The following TENM2 variants were observed in gnomAD, a reference collection of about 807,000 sequenced individuals.
TENM2 encodes the protein teneurin transmembrane protein 2, also known as teneurin-2.
In TENM2, 52 loss-of-function variants were observed where a neutral mutation model predicts 245.2. That is an observed-to-expected ratio of 0.21 (90% confidence interval 0.17 to 0.27). TENM2 has a LOEUF of 0.27. Among genes scored for constraint, TENM2 ranks in the 10% least tolerant of loss-of-function variants. The probability of loss-of-function intolerance (pLI) is 1.00; values close to 1 mark genes in which losing one functional copy is unlikely to be tolerated. For missense variants in TENM2, 3,046 were observed against 3,666.8 expected (o/e 0.83, Z 4.37); for synonymous variants, 1,363 against 1,438.9 (o/e 0.95, Z 1.19).
chr5:168,236,148 T>TA (rs1562317786), intron 25 of TENM2, among the ~76,000 whole-genome samples: 5 of 152,172 alleles, frequency 3.3e-5, no homozygotes, highest in Non-Finnish European at 7.4e-5. Context: ...TACAGAAGTC[T>TA]TCTGCAGATT....
At chr5:167,485,182 G>A (rs538023731) in intron 2 of TENM2, among the ~76,000 whole-genome samples, 6 of 152,294 alleles carry the variant, frequency 3.9e-5, no homozygotes, top group Non-Finnish European at 7.3e-5. Context: ...TAATTCACAA[G>A]TAGTAGATGC....
At chr5:167,418,171 A>T (rs1763272921) in intron 2 of TENM2, among the ~76,000 whole-genome samples, 1 of 152,106 alleles carries the variant, frequency 6.6e-6, no homozygotes, top group Non-Finnish European at 1.5e-5. Context: ...CTCTAATAAA[A>T]ATACAAAATT....
chr5:167,342,507 C>CTTTTTTTTT lies in TENM2; in HGVS notation c.227-32668_227-32660dup, dbSNP rs35451881. On this transcript the variant is annotated intron_variant, in intron 1 of 28. Transcript: ENST00000518659. ...CAGGTTTCTCAACTGTAAAGTTATT[C>CTTTTTTTTT]TTTTTTTTTTTTTTTTTTTTTTTTT... Among the ~76,000 whole-genome samples the CTTTTTTTTT allele has an allele frequency of 1.2e-3, 66 of 54,296 alleles. 13 individuals carry two copies. Among genetic ancestry groups the CTTTTTTTTT allele is most frequent in the African/African-American group, 1.8e-3 (23 of 12,438 alleles). 35.6% of individuals were successfully genotyped at this position (54,296 alleles called of 152,430 possible). A position where few individuals can be genotyped will look rare whatever the true frequency, so the allele number is the denominator to read the frequency against.
In TENM2 at chr5:168,215,086, G is replaced by A. The variant is rs569303729; in HGVS notation, c.3892G>A (p.Gly1298Ser). Residue 1298 changes from glycine (G) to serine (S), a missense_variant, in exon 21 of 29, where the codon GGC becomes AGC. This residue lies in a region of TENM2 where 2,704 missense variants were observed against 3,331.9 expected (regional missense o/e 0.81). Transcript: ENST00000518659. Reference sequence around the variant, plus strand: ...CTACTTGGCAGTGGACCCCGTGTCCGGCTCGCTCTACGTGTCCGACACCAA... The same window carrying A: ...CTACTTGGCAGTGGACCCCGTGTCCAGCTCGCTCTACGTGTCCGACACCAA... 4.5e-5 allele frequency: 72 copies of A among 1,613,820 alleles called. No individual in the cohort carries two copies. The highest frequency in any genetic ancestry group is 1.6e-4 in the Middle Eastern group (1 of 6,062).
intron 2 of TENM2, among the ~76,000 whole-genome samples, chr5:167,398,105 T>C (rs1447347597): frequency 2.0e-5 from 3 of 152,092 alleles, no homozygotes; most frequent in African/African-American, 7.2e-5. Context: ...ATATGGCCAT[T>C]ACTATTCCAA....
At chr5:167,069,418 T>A in the TENM2 span, among the ~76,000 whole-genome samples, 3 of 152,198 alleles carry the variant, frequency 2.0e-5, no homozygotes, top group Non-Finnish European at 2.9e-5. Context: ...CAATAATGCT[T>A]AATTATTTTA....
chr5:167,972,719 T>C (rs901624327), intron 4 of TENM2, among the ~76,000 whole-genome samples: 6 of 152,252 alleles, frequency 3.9e-5, no homozygotes, highest in South Asian at 2.1e-4. Flanking sequence ...TGAGTTTCTT[T>C]TGTGGCTTTA....
the TENM2 span, among the ~76,000 whole-genome samples, chr5:167,205,380 C>A: frequency 6.6e-6 from 1 of 151,962 alleles, no homozygotes; most frequent in African/African-American, 2.4e-5. Context: ...GACTCTGTCT[C>A]AAAAAATAAA....
rs144300762 is a variant in TENM2, at chr5:167,744,820, CAAACA to C, written c.503-131142_503-131138del. 2.8e-3 allele frequency among the ~76,000 whole-genome samples: 414 copies of C among 145,820 alleles called. 1 individual carries two copies. The highest frequency in any genetic ancestry group is 4.8e-3 in the Non-Finnish European group (317 of 65,872). ...CTCTCTCTAAAACAAAACAAACAAA[CAAACA>C]AAACAAAACAAAACAAAACAAAAAA... On this transcript the variant is annotated intron_variant, in intron 2 of 28. Coordinates refer to ENST00000518659, the Ensembl canonical transcript of TENM2.
Position 167,519,006 on chromosome 5 carries a change from TAGAGAGAGCATGA to T in TENM2, c.502+143539_502+143551del, listed in dbSNP as rs199777751. 1.6e-4 allele frequency among the ~76,000 whole-genome samples: 24 copies of T among 152,256 alleles called. No individual in the cohort carries two copies. The East Asian group carries it at 4.3e-3, about 27-fold the overall frequency. On this transcript the variant is annotated intron_variant, in intron 2 of 28. Transcript: ENST00000518659. ...TAAGTTTTATGCAGCGATGTTCCTG[TAGAGAGAGCATGA>T]AGAGAACAAAGCCTTACCTAGTCCA... is the stretch of plus-strand genomic sequence containing the variant.
intron 2 of TENM2, among the ~76,000 whole-genome samples, chr5:167,557,853 G>C (rs558155005): frequency 6.6e-6 from 1 of 152,126 alleles, no homozygotes; most frequent in East Asian, 1.9e-4. Context: ...ATAGTGCTGA[G>C]GTTGAAAAAA....
chr5:167,111,422 A>G, the TENM2 span, among the ~76,000 whole-genome samples: 2 of 152,194 alleles, frequency 1.3e-5, no homozygotes, highest in African/African-American at 4.8e-5. Flanking sequence ...AGAGTAAAAA[A>G]TAATAATAAA....
At chr5:167,672,814 G>A (rs920625559) in intron 2 of TENM2, among the ~76,000 whole-genome samples, 1 of 151,334 alleles carries the variant, frequency 6.6e-6, no homozygotes, top group Non-Finnish European at 1.5e-5. Context: ...CAAGAGTGGT[G>A]TGACAAATCA....
chr5:168,214,974 C>G, intron 20 of TENM2, 66 bp from the exon 23 acceptor site: 1 of 1,389,204 alleles, frequency 7.2e-7, no homozygotes, highest in South Asian at 1.2e-5. Context: ...TTTTGTCATT[C>G]CTTTGATCTA....
chr5:167,825,531 C>T (rs1767899294), intron 2 of TENM2, among the ~76,000 whole-genome samples: 1 of 152,160 alleles, frequency 6.6e-6, no homozygotes, highest in Non-Finnish European at 1.5e-5. Flanking sequence ...GACCTTAACT[C>T]ATCTGCTACC....
At chr5:167,654,464 G>C (rs1434274159) in intron 2 of TENM2, among the ~76,000 whole-genome samples, 1 of 152,084 alleles carries the variant, frequency 6.6e-6, no homozygotes, top group African/African-American at 2.4e-5. Flanking sequence ...TTCTGATCCT[G>C]GTAGTGGAGT....
the TENM2 span, among the ~76,000 whole-genome samples, chr5:166,987,114 G>C: frequency 2.0e-5 from 3 of 152,088 alleles, no homozygotes; most frequent in East Asian, 5.8e-4. Flanking sequence ...GAGGGGCACT[G>C]GTTCTTTTTA....
At chr5:166,994,201 CA>C in the TENM2 span, among the ~76,000 whole-genome samples, 1 of 152,212 alleles carries the variant, frequency 6.6e-6, no homozygotes, top group African/African-American at 2.4e-5. Context: ...TAGGTAAAAG[CA>C]GAATATCTGC....
At chr5:167,300,117 C>A (rs1485533392) in intron 1 of TENM2, among the ~76,000 whole-genome samples, 1 of 152,118 alleles carries the variant, frequency 6.6e-6, no homozygotes, top group Non-Finnish European at 1.5e-5. Flanking sequence ...ACCACACTAA[C>A]CATGCCTAGG....
Sources: gnomAD v4.1 joint callset for allele counts (sites outside exome capture counted in the v4.1 genomes callset) on GRCh38, gnomAD v4.1.1 for gene constraint, gnomAD v4.1.1 regional missense constraint, MANE v1.5 for transcripts, NCBI Gene and HGNC (gene_info 2026-07-23, HGNC 2026-07-21) for gene names.